SMYD3: variants seen among roughly 807,000 people sequenced by gnomAD.
The protein encoded by SMYD3 is histone-lysine N-methyltransferase SMYD3.
SMYD3 carries 36 observed loss-of-function variants against 57.7 expected under a neutral mutation model. That is an observed-to-expected ratio of 0.62 (90% CI 0.48 to 0.82). The LOEUF is 0.82. Ranked by LOEUF, SMYD3 falls within the 40% of genes least tolerant of loss-of-function variation. The pLI is 0.00. For missense variants in SMYD3, 515 were observed against 538.8 expected (o/e 0.96, Z 0.44); for synonymous variants, 211 against 195.0 (o/e 1.08, Z -0.68).
rs946094136 is a variant in SMYD3 at position 246,111,400 on chromosome 1, G to C, written c.532-181463C>G. 5 of 152,338 alleles carry C rather than the reference G, an allele frequency of 3.3e-5. No individual in the cohort carries two copies. The East Asian group carries it at 5.8e-4, about 18-fold the overall frequency. 9.4% of individuals were successfully genotyped at this position (152,338 alleles called of 1,614,324 possible). ...AAAAAAAAGCCACACTGAGCAAGCA[G>C]TGGTCCTTTCCATGCTACACAAGCA... On this transcript the variant is annotated intron_variant, in intron 5 of 11. Transcript: ENST00000490107.
chr1:245,921,000 G>A (rs555888711), intron 7 of SMYD3, among the ~76,000 whole-genome samples: 9 of 152,198 alleles, frequency 5.9e-5, no homozygotes, highest in South Asian at 4.2e-4. Flanking sequence ...GTAAACAAAC[G>A]ACCTACAGAA....
intron 5 of SMYD3, among the ~76,000 whole-genome samples, chr1:246,189,272 T>C (rs968532366): frequency 2.0e-5 from 3 of 152,158 alleles, no homozygotes; most frequent in African/African-American, 7.2e-5. Flanking sequence ...ATCCAACTCT[T>C]ACAAATATCT....
chr1:246,193,892 C>T (rs1338131028), intron 5 of SMYD3, among the ~76,000 whole-genome samples: 1 of 152,164 alleles, frequency 6.6e-6, no homozygotes, highest in East Asian at 1.9e-4. Flanking sequence ...TCAAGCTTTC[C>T]CTTTTATTCA....
chr1:246,307,493 C>T (rs1054038960), intron 5 of SMYD3, among the ~76,000 whole-genome samples: 4 of 145,766 alleles, frequency 2.7e-5, no homozygotes, highest in South Asian at 2.2e-4. Flanking sequence ...GATCTCGGCT[C>T]ACTGCAAGCT....
intron 10 of SMYD3, among the ~76,000 whole-genome samples, chr1:245,810,282 T>C (rs1420647215): frequency 6.6e-6 from 1 of 152,158 alleles, no homozygotes; most frequent in African/African-American, 2.4e-5. Flanking sequence ...TACAACTCAT[T>C]CTGCAGCTCA....
intron 1 of SMYD3, among the ~76,000 whole-genome samples, chr1:246,371,136 G>C (rs548031255): frequency 6.6e-6 from 1 of 152,126 alleles, no homozygotes; most frequent in Non-Finnish European, 1.5e-5. Context: ...AAATTAAAAC[G>C]CCAGGGTCCT....
chr1:246,395,353 C>G (rs1318547740), intron 1 of SMYD3, among the ~76,000 whole-genome samples: 1 of 152,214 alleles, frequency 6.6e-6, no homozygotes, highest in Non-Finnish European at 1.5e-5. Flanking sequence ...TCAATGCTGT[C>G]TGAATAGCAA....
At chr1:246,377,211 G>C (rs1024975795) in intron 1 of SMYD3, among the ~76,000 whole-genome samples, 1 of 152,134 alleles carries the variant, frequency 6.6e-6, no homozygotes, top group Non-Finnish European at 1.5e-5. Context: ...AGTGAGGAAA[G>C]TGGTAATGTT....
intron 5 of SMYD3, among the ~76,000 whole-genome samples, chr1:246,236,350 C>A (rs1199747253): frequency 3.3e-5 from 5 of 152,176 alleles, no homozygotes; most frequent in Non-Finnish European, 1.5e-5. Context: ...CCCGCCTCAG[C>A]CTCCCAGTAG....
At chr1:246,282,331 A>AAAAAAAAAAAAAAAC (rs2064465827) in intron 5 of SMYD3, among the ~76,000 whole-genome samples, 1 of 127,018 alleles carries the variant, frequency 7.9e-6, no homozygotes, top group African/African-American at 2.8e-5. Context: ...AAAAAAAAAA[A>AAAAAAAAAAAAAAAC]AAAAAAAAAG....
chr1:245,985,674 G>GTCAC (rs1341622829), intron 5 of SMYD3, among the ~76,000 whole-genome samples: 1 of 152,012 alleles, frequency 6.6e-6, no homozygotes, highest in African/African-American at 2.4e-5. Flanking sequence ...TGCATTTCTA[G>GTCAC]TCACCTCCTT....
At chr1:245,847,459 T>C (rs2050724733) in intron 10 of SMYD3, among the ~76,000 whole-genome samples, 1 of 152,250 alleles carries the variant, frequency 6.6e-6, no homozygotes. Flanking sequence ...AATTATGAAG[T>C]GTGTCCTTTA....
intron 5 of SMYD3, among the ~76,000 whole-genome samples, chr1:246,234,793 G>C (rs898252953): frequency 1.3e-5 from 2 of 152,080 alleles, no homozygotes; most frequent in Non-Finnish European, 2.9e-5. Flanking sequence ...TTACAGCTTA[G>C]ACAAGAAACC....
chr1:245,929,994 C>G, intron 5 of SMYD3, 57 bp from the exon 6 acceptor site: 1 of 1,487,244 alleles, frequency 6.7e-7, no homozygotes, highest in Non-Finnish European at 9.4e-7. Flanking sequence ...AACTTCATAG[C>G]CAAGAGAATA....
intron 5 of SMYD3, among the ~76,000 whole-genome samples, chr1:246,276,944 G>A (rs1572326551): frequency 6.6e-6 from 1 of 151,882 alleles, no homozygotes; most frequent in Admixed American, 6.6e-5. Flanking sequence ...TTCACTAGCC[G>A]TATTAACACT....
At chr1:245,903,606 C>T (rs760488766) in intron 8 of SMYD3, among the ~76,000 whole-genome samples, 1 of 152,214 alleles carries the variant, frequency 6.6e-6, no homozygotes, top group East Asian at 1.9e-4. Context: ...TGTCCTGAAT[C>T]GCCAGTGCCA....
At chr1:245,860,404 T>C (rs991262387) in intron 9 of SMYD3, among the ~76,000 whole-genome samples, 1 of 152,074 alleles carries the variant, frequency 6.6e-6, no homozygotes, top group Non-Finnish European at 1.5e-5. Flanking sequence ...ATACTTCTAA[T>C]AAACCAATCA....
intron 5 of SMYD3, among the ~76,000 whole-genome samples, chr1:246,159,917 C>G (rs58286057): frequency 6.6e-6 from 1 of 152,126 alleles, no homozygotes; most frequent in Non-Finnish European, 1.5e-5. Context: ...ATCTTCCTGC[C>G]TCAGCCTCCT....
At chr1:246,263,349 C>A (rs201181235) in intron 5 of SMYD3, among the ~76,000 whole-genome samples, 24,384 of 151,970 alleles carry the variant, frequency 0.16, 2,432 homozygotes, top group East Asian at 0.34. Flanking sequence ...TGTATGTGAC[C>A]TGGGCACATA....
Sources: gnomAD v4.1 joint callset for allele counts (sites outside exome capture counted in the v4.1 genomes callset) on GRCh38, gnomAD v4.1.1 for gene constraint, MANE v1.5 for transcripts, NCBI Gene and HGNC (gene_info 2026-07-23, HGNC 2026-07-21) for gene names.